CACNA1B: variants seen among roughly 807,000 people sequenced by gnomAD.
CACNA1B encodes calcium voltage-gated channel subunit alpha1 B, also known as voltage-dependent N-type calcium channel subunit alpha-1B.
In CACNA1B, 70 loss-of-function variants were observed where a neutral mutation model predicts 247.2. That is an observed-to-expected ratio of 0.28 (90% CI 0.23 to 0.35). CACNA1B has a LOEUF of 0.35. CACNA1B is among the 10% of genes least tolerant of loss of function. CACNA1B has a pLI of 1.00. For synonymous variants in CACNA1B, 1,231 were observed against 1,294.4 expected, an observed-to-expected ratio of 0.95 and a Z score of 1.05; for missense variants, 2,367 against 3,197.4, an observed-to-expected ratio of 0.74 and a Z score of 6.26.
chr9:138,020,976 C>G lies in CACNA1B; in HGVS notation c.2268-2035C>G, dbSNP rs1958838363. ...GATTCACGGCTTCATCAGAGCGGGC[C>G]ACCCTGCTGACCAAGTGGCTCAGAG... On this transcript the variant is annotated intron_variant, in intron 18 of 46. Transcript: ENST00000371372. The surrounding 1 kb of genome is among the most constrained non-coding windows in gnomAD (Gnocchi z 4.1). Among the ~76,000 whole-genome samples the G allele has an allele frequency of 6.6e-6, 1 of 152,226 alleles. No homozygotes were observed. Among genetic ancestry groups the G allele is most frequent in the African/African-American group, 2.4e-5 (1 of 41,474 alleles).
chr9:138,041,061 T>C (rs1959114529), intron 20 of CACNA1B, among the ~76,000 whole-genome samples: 1 of 152,228 alleles, frequency 6.6e-6, no homozygotes, highest in Admixed American at 6.5e-5. Context: ...GCTTAAATTA[T>C]CTCCAAATTC....
rs866413570 is a variant in CACNA1B, at chr9:138,054,888, A to G, written c.3968+882A>G. ...TAATTTTGCACTTGTGTGATGACCAATGAGATTGAGCCCCCTTTGCTAGGG... is the reference window on the plus strand; with the variant it reads ...TAATTTTGCACTTGTGTGATGACCAGTGAGATTGAGCCCCCTTTGCTAGGG... On this transcript the variant is annotated intron_variant, in intron 26 of 46. Coordinates refer to ENST00000371372, the MANE Select transcript of CACNA1B (RefSeq NM_000718.4). The surrounding 1 kb of genome is among the most constrained non-coding windows in gnomAD (Gnocchi z 4.6). Among the ~76,000 whole-genome samples the G allele has an allele frequency of 4.6e-5, 7 of 152,214 alleles. No homozygotes were observed. The highest frequency in any genetic ancestry group is 6.8e-3 in the Middle Eastern group (2 of 292).
Position 138,121,678 on chromosome 9 carries a change from C to T in CACNA1B, c.6699C>T (p.Ser2233=), listed in dbSNP as rs200996202. ...FSPGRLSRGL[S]EHNALLQRDP... ...CAGGCCGGCTCAGCCGTGGGCTTTC[C>T]GAACACAACGCCCTGCTGCAGAGAG... Residue 2233 remains serine (S), a synonymous_variant, in exon 47 of 47, where the codon TCC becomes TCT. Coordinates refer to ENST00000371372, the MANE Select transcript of CACNA1B (RefSeq NM_000718.4). The surrounding 1 kb of genome is among the most constrained non-coding windows in gnomAD (Gnocchi z 6.8). 1.1e-4 allele frequency: 185 copies of T among 1,613,020 alleles called. 1 individual carries two copies. Among genetic ancestry groups the T allele is most frequent in the Middle Eastern group, 3.3e-4 (2 of 6,082 alleles).
intron 15 of CACNA1B, among the ~76,000 whole-genome samples, chr9:137,993,412 C>A (rs1003454080): frequency 6.6e-6 from 1 of 151,538 alleles, no homozygotes; most frequent in Admixed American, 6.6e-5. Flanking sequence ...TTTATTTTGT[C>A]TATCTAGATA....
chr9:137,887,648 CAG>C (rs1432398645), intron 3 of CACNA1B, among the ~76,000 whole-genome samples: 1 of 111,778 alleles, frequency 8.9e-6, no homozygotes, highest in African/African-American at 3.6e-5. Context: ...CGAAGTGAGA[CAG>C]AGGGAGAGGG....
intron 5 of CACNA1B, among the ~76,000 whole-genome samples, chr9:137,916,838 A>C (rs1472546629): frequency 7.2e-6 from 1 of 139,676 alleles, no homozygotes; most frequent in Non-Finnish European, 1.6e-5. Flanking sequence ...GCTGTGAGGG[A>C]GGCAGTTTGG....
At chr9:137,901,430 A>G (rs1446679026) in intron 3 of CACNA1B, among the ~76,000 whole-genome samples, 2 of 151,906 alleles carry the variant, frequency 1.3e-5, no homozygotes, top group Non-Finnish European at 1.5e-5. Context: ...GGTTCAAGTG[A>G]TTTTCCTGCC....
rs1956905894 is a variant in CACNA1B, at chr9:137,880,691, A to G, written c.390+1532A>G. Among the ~76,000 whole-genome samples the G allele has an allele frequency of 6.6e-6, 1 of 152,126 alleles. No individual in the cohort carries two copies. Among genetic ancestry groups the G allele is most frequent in the African/African-American group, 2.4e-5 (1 of 41,414 alleles). ...AAAACTGCAGAACATGCCCGCCCTG[A>G]GCCAGCCTAGAGGTCTGGGGAGCTC... On this transcript the variant is annotated intron_variant, in intron 2 of 46. Transcript: ENST00000371372. This position sits in a 1 kb window ranked among gnomAD's most constrained non-coding sequence, Gnocchi z 4.8.
rs200238090 is a variant in CACNA1B, at chr9:137,917,440, C to G, written c.966+9C>G. Reference sequence around the variant, plus strand: ...CTGACATCCTCTATAATGTGAGTGGCGTCTTGGCCCTGGGCCTGAGGGCAG... The same window carrying G: ...CTGACATCCTCTATAATGTGAGTGGGGTCTTGGCCCTGGGCCTGAGGGCAG... On this transcript the variant is annotated intron_variant, in intron 6 of 46. Transcript: ENST00000371372. The surrounding 1 kb of genome is among the most constrained non-coding windows in gnomAD (Gnocchi z 5.5). The G allele has an allele frequency of 1.1e-5, 18 of 1,610,596 alleles. No individual in the cohort carries two copies. Among genetic ancestry groups the G allele is most frequent in the Non-Finnish European group, 1.4e-5 (17 of 1,177,952 alleles).
chr9:138,076,669 G>A (rs1207429121), intron 35 of CACNA1B, among the ~76,000 whole-genome samples: 9 of 152,238 alleles, frequency 5.9e-5, no homozygotes, highest in Admixed American at 5.9e-4. Context: ...GGGAGCAGAA[G>A]GGAGGTGGGT....
chr9:137,885,457 T>G (rs1420345485), intron 3 of CACNA1B, among the ~76,000 whole-genome samples: 2 of 151,428 alleles, frequency 1.3e-5, no homozygotes, highest in African/African-American at 2.4e-5. Context: ...ATTAGTTTGT[T>G]GTTTTTAATT....
At chr9:137,962,805 G>C (rs1332490094) in intron 10 of CACNA1B, among the ~76,000 whole-genome samples, 1 of 152,126 alleles carries the variant, frequency 6.6e-6, no homozygotes, top group Non-Finnish European at 1.5e-5. Context: ...TTCCAATTAT[G>C]TGATCAATTT....
Position 137,971,272 on chromosome 9 carries a change from C to A in CACNA1B, c.1334-111C>A. 1.4e-6 allele frequency: 1 copy of A among 722,108 alleles called. No individual in the cohort carries two copies. Among genetic ancestry groups the A allele is most frequent in the Non-Finnish European group, 2.4e-6 (1 of 421,484 alleles). The allele number at this position is 722,108 out of a possible 1,614,324, so 44.7% of individuals were successfully genotyped here. A position where few individuals can be genotyped will look rare whatever the true frequency, so the allele number is the denominator to read the frequency against. ...GGTCACTGGCACAATTGTCTGTGAC[C>A]GGCTGGGGCTGGGGGCAGGTGTCCT... is the stretch of plus-strand genomic sequence containing the variant. On this transcript the variant is annotated intron_variant, in intron 10 of 46. Coordinates refer to ENST00000371372, the MANE Select transcript of CACNA1B (RefSeq NM_000718.4). The surrounding 1 kb of genome is among the most constrained non-coding windows in gnomAD (Gnocchi z 4.4).
At chr9:137,949,351 GTGTT>G (rs1422973935) in intron 6 of CACNA1B, among the ~76,000 whole-genome samples, 13 of 141,738 alleles carry the variant, frequency 9.2e-5, no homozygotes, top group Non-Finnish European at 1.8e-4. Flanking sequence ...TAGTGTGTGT[GTGTT>G]TGGTGTTGGT....
At chr9:138,099,954 C>T (rs1961198750) in intron 37 of CACNA1B, among the ~76,000 whole-genome samples, 1 of 152,262 alleles carries the variant, frequency 6.6e-6, no homozygotes, top group Non-Finnish European at 1.5e-5. Context: ...CTGCCATGTG[C>T]TGGGGCAGGG....
chr9:137,932,185 T>A (rs1957615717), intron 6 of CACNA1B, among the ~76,000 whole-genome samples: 1 of 152,192 alleles, frequency 6.6e-6, no homozygotes, highest in Non-Finnish European at 1.5e-5. Flanking sequence ...ATAAAATCTC[T>A]GGACAAGTTA....
chr9:137,918,357 G>T (rs1191971259), intron 6 of CACNA1B, among the ~76,000 whole-genome samples: 1 of 152,118 alleles, frequency 6.6e-6, no homozygotes, highest in Admixed American at 6.5e-5. Flanking sequence ...CCCTCTGTGA[G>T]TCCTGTGAGC....
chr9:137,923,105 G>A (rs1485748835), intron 6 of CACNA1B, among the ~76,000 whole-genome samples: 1 of 152,230 alleles, frequency 6.6e-6, no homozygotes, highest in African/African-American at 2.4e-5. Context: ...GGTGTTGGTA[G>A]CATGTTTCCT....
At chr9:138,038,992 C>G (rs934559589) in intron 20 of CACNA1B, among the ~76,000 whole-genome samples, 1 of 151,906 alleles carries the variant, frequency 6.6e-6, no homozygotes, top group Non-Finnish European at 1.5e-5. Context: ...CGAGACCAGC[C>G]TGGCCAACAT....
Sources: gnomAD v4.1 joint callset for allele counts (sites outside exome capture counted in the v4.1 genomes callset) on GRCh38, gnomAD v4.1.1 for gene constraint, Gnocchi (gnomAD v3.1) non-coding constraint, MANE v1.5 for transcripts, NCBI Gene and HGNC (gene_info 2026-07-23, HGNC 2026-07-21) for gene names.